SLC35F1: variants seen among roughly 807,000 people sequenced by gnomAD.
The protein encoded by SLC35F1 is chromosome 6 open reading frame 169.
In SLC35F1, 14 loss-of-function variants were observed where a neutral mutation model predicts 48.7. The ratio of observed to expected loss-of-function variants is 0.29; its 90% CI spans 0.19 to 0.45. The LOEUF is 0.45. SLC35F1 is among the 20% of genes least tolerant of loss of function. SLC35F1 has a pLI of 1.00. For missense variants in SLC35F1, 404 were observed against 500.0 expected (o/e 0.81, Z 1.83); for synonymous variants, 190 against 202.2 (o/e 0.94, Z 0.51).
At chr6:118,195,768 C>G (rs999031235) in intron 2 of SLC35F1, among the ~76,000 whole-genome samples, 1 of 152,088 alleles carries the variant, frequency 6.6e-6, no homozygotes, top group African/African-American at 2.4e-5. Flanking sequence ...TTCAAAGAAA[C>G]TCAGAGAGCT....
At chr6:118,082,308 A>G (rs1772922977) in intron 1 of SLC35F1, among the ~76,000 whole-genome samples, 1 of 152,184 alleles carries the variant, frequency 6.6e-6, no homozygotes, top group Non-Finnish European at 1.5e-5. Flanking sequence ...CCCCAAAAAG[A>G]TGTCTTGACT....
At chr6:118,265,918 T>C (rs1334581274) in intron 3 of SLC35F1, among the ~76,000 whole-genome samples, 3 of 152,180 alleles carry the variant, frequency 2.0e-5, no homozygotes, top group African/African-American at 7.2e-5. Context: ...GACCCTGTCT[T>C]GGATAGTGTA....
At chr6:117,991,674 G>C (rs1483851925) in intron 1 of SLC35F1, among the ~76,000 whole-genome samples, 1 of 152,016 alleles carries the variant, frequency 6.6e-6, no homozygotes, top group Non-Finnish European at 1.5e-5. Context: ...TTTTATTTTT[G>C]TTCGTCACTT....
chr6:117,989,370 G>A (rs1355912239), intron 1 of SLC35F1, among the ~76,000 whole-genome samples: 1 of 152,222 alleles, frequency 6.6e-6, no homozygotes, highest in Admixed American at 6.5e-5. Flanking sequence ...TGGAGGAAGT[G>A]CTTTCCACTT....
At chr6:117,981,413 G>C (rs941850944) in intron 1 of SLC35F1, among the ~76,000 whole-genome samples, 1 of 152,150 alleles carries the variant, frequency 6.6e-6, no homozygotes, top group African/African-American at 2.4e-5. Context: ...ATTTAAGATG[G>C]AGAAGGGAGC....
At chr6:117,986,240 A>G (rs906287526) in intron 1 of SLC35F1, among the ~76,000 whole-genome samples, 1 of 152,188 alleles carries the variant, frequency 6.6e-6, no homozygotes, top group African/African-American at 2.4e-5. Context: ...GGGGCCAATG[A>G]GCTGTGGCCA....
In SLC35F1 at chr6:118,220,816, C is replaced by G. The variant is rs542881812; in HGVS notation, c.350-14693C>G. On this transcript the variant is annotated intron_variant, in intron 2 of 7. Transcript: ENST00000360388. The stretch of plus-strand genomic sequence containing the variant: ...GTCTTATTGACAACTGAAGCACTGG[C>G]TTGTTTTGTGTTACTTTGTTATCTT... 9.8e-5 allele frequency among the ~76,000 whole-genome samples: 15 copies of G among 152,294 alleles called. No homozygotes were observed. In the South Asian group the frequency reaches 2.9e-3, roughly 29 times the overall value.
chr6:118,022,685 T>G (rs1476788107), intron 1 of SLC35F1, among the ~76,000 whole-genome samples: 1 of 151,762 alleles, frequency 6.6e-6, no homozygotes, highest in Admixed American at 6.6e-5. Context: ...TGGACAGTGC[T>G]GAGCACTTGT....
At chr6:118,283,896 C>T (rs1438470124) in intron 6 of SLC35F1, among the ~76,000 whole-genome samples, 1 of 152,120 alleles carries the variant, frequency 6.6e-6, no homozygotes, top group South Asian at 2.1e-4. Flanking sequence ...AATATTACTG[C>T]GATAGAATCT....
intron 3 of SLC35F1, among the ~76,000 whole-genome samples, chr6:118,244,403 C>G (rs1210002978): frequency 6.6e-6 from 1 of 152,216 alleles, no homozygotes; most frequent in East Asian, 1.9e-4. Context: ...TGGGGCTACC[C>G]CATAGGCAGA....
chr6:118,314,151 C>T lies in SLC35F1; in HGVS notation c.1126C>T (p.Pro376Ser), dbSNP rs770309234. The change falls in exon 8 of 8, where the codon CCT (proline) becomes TCT (serine). Residue 376 changes from proline to serine, a missense_variant. Physicochemically the swap from Pro to Ser is moderately conservative, Grantham distance 74. This residue lies in a region of SLC35F1 where 306 missense variants were observed against 419.1 expected (regional missense o/e 0.73). Coordinates refer to ENST00000360388, the MANE Select transcript of SLC35F1 (RefSeq NM_001029858.4). ...VYKQFRNPSG[P>S]VVDLPTTAQV... ...TAAGCAGTTCCGCAATCCTTCAGGA[C>T]CTGTTGTGGACTTACCGACCACAGC... 6.2e-7 allele frequency: 1 copy of T among 1,614,180 alleles called. No homozygotes were observed.
rs571701455 is a variant in SLC35F1 at position 118,102,711 on chromosome 6, T to A, written c.174-51734T>A. Among the ~76,000 whole-genome samples, 6 of 152,250 alleles carry A rather than the reference T, an allele frequency of 3.9e-5. No homozygotes were observed. The South Asian group carries it at 1.2e-3, about 32-fold the overall frequency. On this transcript the variant is annotated intron_variant, in intron 1 of 7. Coordinates refer to ENST00000360388, the MANE Select transcript of SLC35F1 (RefSeq NM_001029858.4). ...GTGGGCTTTGAGGCTAAATTCCTCCTCTCCTCCCTGAGTTCTCCCATTTGT... is the reference window on the plus strand; with the variant it reads ...GTGGGCTTTGAGGCTAAATTCCTCCACTCCTCCCTGAGTTCTCCCATTTGT...
At chr6:118,311,432 G>A (rs1193442112) in intron 7 of SLC35F1, among the ~76,000 whole-genome samples, 1 of 152,106 alleles carries the variant, frequency 6.6e-6, no homozygotes, top group Non-Finnish European at 1.5e-5. Context: ...TCTACATGGT[G>A]CCAGGCTCTG....
chr6:117,907,676 C>G lies in SLC35F1; in HGVS notation c.-51C>G. ...CGTTCCCGGGCCCGGAACCGGCACA[C>G]GATGCACCCGGCTGCGTTCTGATCG... On this transcript the variant is annotated 5_prime_UTR_variant, in exon 1 of 8. Transcript: ENST00000360388. The G allele has an allele frequency of 8.4e-7, 1 of 1,193,062 alleles. No individual in the cohort carries two copies. Among genetic ancestry groups the G allele is most frequent in the Middle Eastern group, 2.6e-4 (1 of 3,854 alleles). The allele number at this position is 1,193,062 out of a possible 1,614,324, so 73.9% of individuals were successfully genotyped here.
chr6:117,947,711 C>T (rs1242748579), intron 1 of SLC35F1, among the ~76,000 whole-genome samples: 2 of 152,058 alleles, frequency 1.3e-5, no homozygotes, highest in African/African-American at 4.8e-5. Context: ...AGGGAGGGTG[C>T]AGTGAGCAGG....
rs1776425987 is a variant in SLC35F1, at chr6:118,315,639, C to CAA, written c.*1387_*1388insAA. The CAA allele has an allele frequency of 1.3e-5, 2 of 151,986 alleles. No individual in the cohort carries two copies. Among genetic ancestry groups the CAA allele is most frequent in the Non-Finnish European group, 2.9e-5 (2 of 68,008 alleles). 9.4% of individuals were successfully genotyped at this position (151,986 alleles called of 1,614,324 possible). On this transcript the variant is annotated 3_prime_UTR_variant, in exon 8 of 8. Coordinates refer to ENST00000360388, the MANE Select transcript of SLC35F1 (RefSeq NM_001029858.4). ...TATTTTTAGTAGAGATGGGGTTTCA[C>CAA]CGTGTTAGCCAGGATGGTCTCGATC...
At chr6:117,958,563 T>C (rs1010007500) in intron 1 of SLC35F1, among the ~76,000 whole-genome samples, 2 of 152,188 alleles carry the variant, frequency 1.3e-5, no homozygotes, top group Non-Finnish European at 2.9e-5. Flanking sequence ...TTTAGATATG[T>C]TTAGATACAC....
At position 118,266,987 on chromosome 6, in the gene SLC35F1, C is replaced by T. The variant is rs1582760408; in HGVS notation, c.478-8C>T. The T allele has an allele frequency of 7.4e-6, 12 of 1,613,666 alleles. No individual in the cohort carries two copies. The highest frequency in any genetic ancestry group is 1.0e-5 in the Non-Finnish European group (12 of 1,179,634). ...CCTGTTGTTGTTTACCTTCATCCCTCCCAATAGCTCCTGGACTGTTTTGTG... is the reference window on the plus strand; with the variant it reads ...CCTGTTGTTGTTTACCTTCATCCCTTCCAATAGCTCCTGGACTGTTTTGTG... On this transcript the variant is annotated splice_polypyrimidine_tract_variant and splice_region_variant and intron_variant, in intron 3 of 7. Transcript: ENST00000360388.
At chr6:118,211,166 A>G (rs1178428361) in intron 2 of SLC35F1, among the ~76,000 whole-genome samples, 2 of 152,166 alleles carry the variant, frequency 1.3e-5, no homozygotes, top group Non-Finnish European at 2.9e-5. Context: ...TAGCCTCCAA[A>G]ACTGTGAGAA....
Sources: allele counts gnomAD v4.1 joint callset (sites outside exome capture counted in the v4.1 genomes callset), GRCh38; gene constraint gnomAD v4.1.1; regional missense constraint gnomAD v4.1.1; transcripts MANE v1.5; gene names NCBI Gene and HGNC (gene_info 2026-07-23, HGNC 2026-07-21).